The following ENTREP2 variants were observed in gnomAD, a reference collection of about 807,000 sequenced individuals.
ENTREP2 encodes protein ENTREP2.
the ENTREP2 span, among the ~76,000 whole-genome samples, chr15:29,270,152 C>T: frequency 2.6e-5 from 4 of 151,980 alleles, no homozygotes; most frequent in African/African-American, 7.2e-5. Context: ...AGAGGAAGGG[C>T]CGACCGTGGA....
At chr15:29,481,849 G>A in the ENTREP2 span, among the ~76,000 whole-genome samples, 3 of 152,042 alleles carry the variant, frequency 2.0e-5, no homozygotes, top group East Asian at 1.9e-4. Context: ...ACGTTTTTAA[G>A]GTTTATTTAA....
the ENTREP2 span, among the ~76,000 whole-genome samples, chr15:29,558,746 C>T: frequency 6.8e-6 from 1 of 146,882 alleles, no homozygotes; most frequent in Non-Finnish European, 1.5e-5. Context: ...AAAACTAAGT[C>T]CTCCTCTTCC....
chr15:29,167,480 A>G, the ENTREP2 span, among the ~76,000 whole-genome samples: 3 of 152,254 alleles, frequency 2.0e-5, no homozygotes, highest in African/African-American at 4.8e-5. Flanking sequence ...TAAGAAAAAA[A>G]CAAAGAATCC....
At chr15:29,575,780 G>A in the ENTREP2 span, among the ~76,000 whole-genome samples, 5 of 152,172 alleles carry the variant, frequency 3.3e-5, no homozygotes, top group Non-Finnish European at 5.9e-5. Context: ...TGAAATACCT[G>A]GGAATAAATT....
the ENTREP2 span, among the ~76,000 whole-genome samples, chr15:29,435,525 A>G: frequency 1.3e-5 from 2 of 152,162 alleles, no homozygotes; most frequent in Admixed American, 6.5e-5. Context: ...GGATGATAAA[A>G]CTTACCCAAG....
chr15:29,259,967 G>A, the ENTREP2 span, among the ~76,000 whole-genome samples: 6 of 152,110 alleles, frequency 3.9e-5, no homozygotes, highest in African/African-American at 1.4e-4. Flanking sequence ...TGCCCTTTCC[G>A]TTTTAACTGG....
the ENTREP2 span, among the ~76,000 whole-genome samples, chr15:29,380,877 C>A: frequency 2.4e-5 from 3 of 127,206 alleles, no homozygotes; most frequent in Non-Finnish European, 4.8e-5. Flanking sequence ...GAGATGGATT[C>A]TCTCTCTGCA....
At chr15:29,140,597 G>A in the ENTREP2 span, among the ~76,000 whole-genome samples, 3 of 152,136 alleles carry the variant, frequency 2.0e-5, no homozygotes, top group Admixed American at 1.3e-4. Flanking sequence ...TATCAAACAC[G>A]TATTGTTCCT....
the ENTREP2 span, among the ~76,000 whole-genome samples, chr15:29,168,778 C>T: frequency 6.6e-6 from 1 of 152,184 alleles, no homozygotes; most frequent in Non-Finnish European, 1.5e-5. Flanking sequence ...GGATTGCTCC[C>T]CACATGGTGC....
chr15:29,271,612 G>A, the ENTREP2 span, among the ~76,000 whole-genome samples: 1 of 152,168 alleles, frequency 6.6e-6, no homozygotes, highest in Non-Finnish European at 1.5e-5. Flanking sequence ...ATAAAGAACA[G>A]AACTGCCCTG....
At chr15:29,394,836 G>A in the ENTREP2 span, among the ~76,000 whole-genome samples, 4 of 149,190 alleles carry the variant, frequency 2.7e-5, no homozygotes, top group Non-Finnish European at 4.4e-5. Context: ...TATCACTTAG[G>A]ATAATGGTTT....
At chr15:29,226,740 C>T in the ENTREP2 span, among the ~76,000 whole-genome samples, 50,050 of 152,046 alleles carry the variant, frequency 0.33, 9,686 homozygotes, top group East Asian at 0.6. Context: ...GATTAGAGTG[C>T]TGGTAATAGA....
the ENTREP2 span, chr15:29,570,532 G>C: frequency 6.9e-7 from 1 of 1,455,824 alleles, no homozygotes; most frequent in Non-Finnish European, 9.0e-7. Flanking sequence ...AGGGGCAGGA[G>C]TGGCGGACGC....
the ENTREP2 span, among the ~76,000 whole-genome samples, chr15:29,150,871 G>A: frequency 3.3e-5 from 5 of 152,096 alleles, no homozygotes; most frequent in African/African-American, 9.7e-5. Context: ...GGGAAGCAGC[G>A]TAGGTCTCAA....
chr15:29,268,774 C>T, the ENTREP2 span: 29 of 1,581,172 alleles, frequency 1.8e-5, 1 homozygote, highest in South Asian at 3.1e-4. Flanking sequence ...TCCCGGGGGT[C>T]CCTCTGAATC....
At chr15:29,193,417 C>A in the ENTREP2 span, among the ~76,000 whole-genome samples, 1 of 152,164 alleles carries the variant, frequency 6.6e-6, no homozygotes, top group East Asian at 1.9e-4. Context: ...CCTTGGACAT[C>A]AGAACTTCAG....
At chr15:29,425,199 GTTTT>G in the ENTREP2 span, among the ~76,000 whole-genome samples, 3 of 133,126 alleles carry the variant, frequency 2.3e-5, no homozygotes, top group African/African-American at 8.5e-5. Context: ...CAGGTTTTTT[GTTTT>G]TTTTTTTGTA....
chr15:29,419,548 T>C, the ENTREP2 span, among the ~76,000 whole-genome samples: 1 of 151,990 alleles, frequency 6.6e-6, no homozygotes, highest in South Asian at 2.1e-4. Flanking sequence ...GAGAACAGGG[T>C]AGAAGAAATG....
chr15:29,282,772 C>A, the ENTREP2 span, among the ~76,000 whole-genome samples: 226 of 152,282 alleles, frequency 1.5e-3, no homozygotes, highest in African/African-American at 5.3e-3. Flanking sequence ...TCAGGCATAC[C>A]GGTCTGTTCT....
Sources: gnomAD v4.1 joint callset for allele counts (sites outside exome capture counted in the v4.1 genomes callset) on GRCh38, gnomAD v4.1.1 for gene constraint, MANE v1.5 for transcripts, NCBI Gene and HGNC (gene_info 2026-07-23, HGNC 2026-07-21) for gene names.